The following ELMO1 variants were observed in gnomAD, a reference collection of about 807,000 sequenced individuals.
The protein encoded by ELMO1 is engulfment and cell motility 1.
Under a neutral mutation model 98.9 loss-of-function variants are expected in ELMO1, and 26 were observed. The observed-to-expected ratio is 0.26, with a 90% confidence interval of 0.19 to 0.36. The LOEUF (loss-of-function observed/expected upper bound fraction) is 0.36. Among genes scored for constraint, ELMO1 ranks in the 10% least tolerant of loss-of-function variants. The pLI is 1.00. For missense variants in ELMO1, 627 were observed against 935.2 expected (o/e 0.67, Z 4.30); for synonymous variants, 346 against 346.0 (o/e 1.00, Z 0.00).
At chr7:37,255,769 T>G (rs1022530093) in intron 6 of ELMO1, among the ~76,000 whole-genome samples, 1 of 131,852 alleles carries the variant, frequency 7.6e-6, no homozygotes, top group Non-Finnish European at 1.6e-5. Flanking sequence ...ACATTACAAC[T>G]GGCTCTGATG....
chr7:37,151,463 C>T (rs1788354196), intron 13 of ELMO1, among the ~76,000 whole-genome samples: 1 of 152,128 alleles, frequency 6.6e-6, no homozygotes, highest in African/African-American at 2.4e-5. Flanking sequence ...TAACAAAATC[C>T]TAATGGGGCC....
chr7:37,291,882 C>T (rs62459335), intron 4 of ELMO1, among the ~76,000 whole-genome samples: 52,317 of 149,640 alleles, frequency 0.35, 10,422 homozygotes, highest in Middle Eastern at 0.54. Context: ...ACCACTGCAC[C>T]GCAGCCTGGG....
intron 5 of ELMO1, among the ~76,000 whole-genome samples, chr7:37,267,943 TG>T (rs1158969275): frequency 6.6e-6 from 1 of 152,252 alleles, no homozygotes; most frequent in African/African-American, 2.4e-5. Context: ...TTTAATTTTT[TG>T]GTAGTCAAAT....
chr7:37,305,746 T>C (rs1230832444), intron 4 of ELMO1, among the ~76,000 whole-genome samples: 3 of 152,230 alleles, frequency 2.0e-5, no homozygotes, highest in Non-Finnish European at 2.9e-5. Context: ...CACCTACATA[T>C]TATATTCACA....
chr7:37,191,182 C>T (rs1207688490), intron 13 of ELMO1, among the ~76,000 whole-genome samples: 1 of 102,126 alleles, frequency 9.8e-6, no homozygotes, highest in African/African-American at 3.4e-5. Flanking sequence ...GAGCAAGACT[C>T]TGTCTCAAAA....
At chr7:36,969,468 AAG>A (rs1789728565) in intron 16 of ELMO1, among the ~76,000 whole-genome samples, 1 of 152,206 alleles carries the variant, frequency 6.6e-6, no homozygotes, top group African/African-American at 2.4e-5. Context: ...AACCCAATTT[AAG>A]ATCTGTGTCA....
chr7:36,902,661 T>C (rs1400731689), intron 16 of ELMO1, among the ~76,000 whole-genome samples: 1 of 152,216 alleles, frequency 6.6e-6, no homozygotes, highest in Non-Finnish European at 1.5e-5. Context: ...CTGGGTGCCA[T>C]ATACCTGGAT....
At chr7:37,238,493 TC>T (rs1794592877) in intron 7 of ELMO1, among the ~76,000 whole-genome samples, 1 of 152,228 alleles carries the variant, frequency 6.6e-6, no homozygotes, top group South Asian at 2.1e-4. Flanking sequence ...AATCATGTTT[TC>T]TATGAATAGA....
At chr7:37,395,239 T>C (rs1803245388) in intron 1 of ELMO1, among the ~76,000 whole-genome samples, 1 of 151,984 alleles carries the variant, frequency 6.6e-6, no homozygotes, top group Non-Finnish European at 1.5e-5. Flanking sequence ...TAGTAGTGCA[T>C]GCCTGTAATC....
intron 16 of ELMO1, among the ~76,000 whole-genome samples, chr7:36,992,643 C>T (rs945987786): frequency 2.6e-5 from 4 of 152,168 alleles, no homozygotes; most frequent in Admixed American, 6.5e-5. Flanking sequence ...TCTTCACCAT[C>T]GGAAAAGGAA....
chr7:36,930,436 AT>A (rs1785943588), intron 16 of ELMO1, among the ~76,000 whole-genome samples: 1 of 152,218 alleles, frequency 6.6e-6, no homozygotes, highest in South Asian at 2.1e-4. Flanking sequence ...GAAAACTACA[AT>A]TTCCTAACCT....
intron 15 of ELMO1, among the ~76,000 whole-genome samples, chr7:37,078,821 T>C (rs191341030): frequency 6.6e-5 from 10 of 152,286 alleles, no homozygotes; most frequent in African/African-American, 2.2e-4. Flanking sequence ...TAAATAATGA[T>C]ACAATTATAT....
intron 1 of ELMO1, among the ~76,000 whole-genome samples, chr7:37,425,514 A>T (rs77494014): frequency 0.082 from 12,521 of 152,256 alleles, 634 homozygotes; most frequent in Admixed American, 0.097. Context: ...CACTGGTTCA[A>T]TGCTGTACCA....
At chr7:37,268,753 G>C (rs1439377056) in intron 5 of ELMO1, among the ~76,000 whole-genome samples, 1 of 152,222 alleles carries the variant, frequency 6.6e-6, no homozygotes, top group East Asian at 1.9e-4. Flanking sequence ...ATTAAACAGT[G>C]CAGGTTGTTT....
Position 36,855,634 on chromosome 7 carries a change from G to A in ELMO1, c.2101C>T (p.Leu701=). The change falls in exon 22 of 22, where the codon CTG becomes TTG. Residue 701 remains leucine (L), a synonymous_variant. Coordinates refer to ENST00000310758, the MANE Select transcript of ELMO1 (RefSeq NM_014800.11). This position sits in a 1 kb window ranked among gnomAD's most constrained non-coding sequence, Gnocchi z 4.2. ...SMEIKLRLLD[L]ENIQIPDAPP... is the part of the protein sequence containing the mutation. ...GCGTCAGGGATCTGGATGTTTTCCA[G>A]GTCCAGGAGGCGGAGCTTGATTTCC... 2 of 1,614,130 alleles carry A rather than the reference G, an allele frequency of 1.2e-6. No homozygotes were observed. Among genetic ancestry groups the A allele is most frequent in the Non-Finnish European group, 1.7e-6 (2 of 1,179,992 alleles).
At chr7:37,272,309 T>C (rs1388590100) in intron 4 of ELMO1, among the ~76,000 whole-genome samples, 1 of 152,202 alleles carries the variant, frequency 6.6e-6, no homozygotes, top group Non-Finnish European at 1.5e-5. Flanking sequence ...CATATGTCCA[T>C]TACTTGATAA....
chr7:37,101,491 G>A (rs896201924), intron 14 of ELMO1, among the ~76,000 whole-genome samples: 5 of 152,110 alleles, frequency 3.3e-5, no homozygotes, highest in African/African-American at 1.2e-4. Context: ...TAGGGGAGGG[G>A]GAGTTTAACT....
chr7:36,970,215 A>ACACACACACACACG (rs1789812495), intron 16 of ELMO1, among the ~76,000 whole-genome samples: 2 of 149,312 alleles, frequency 1.3e-5, no homozygotes, highest in African/African-American at 4.9e-5. Flanking sequence ...ACACACACAC[A>ACACACACACACACG]CACACGCACA....
chr7:37,314,733 G>C (rs572459704), intron 4 of ELMO1, 117 bp downstream of exon 4: 1 of 808,374 alleles, frequency 1.2e-6, no homozygotes, highest in South Asian at 1.9e-5. Flanking sequence ...CTCTATTTTC[G>C]TGGATAGTAG....
Sources: gnomAD v4.1 joint callset for allele counts (sites outside exome capture counted in the v4.1 genomes callset) on GRCh38, gnomAD v4.1.1 for gene constraint, Gnocchi (gnomAD v3.1) non-coding constraint, MANE v1.5 for transcripts, NCBI Gene and HGNC (gene_info 2026-07-23, HGNC 2026-07-21) for gene names.